The following CNTNAP5 variants were observed in gnomAD, a reference collection of about 807,000 sequenced individuals.
CNTNAP5 encodes contactin associated protein family member 5.
CNTNAP5 carries 72 observed loss-of-function variants against 150.2 expected under a neutral mutation model. The observed-to-expected ratio is 0.48, with a 90% confidence interval of 0.40 to 0.58. The LOEUF is 0.58. CNTNAP5 is among the 20% of genes least tolerant of loss of function. The pLI, the probability that CNTNAP5 is intolerant of heterozygous loss-of-function variation, is 0.00. For missense variants in CNTNAP5, 1,636 were observed against 1,626.2 expected (o/e 1.01, Z -0.10); for synonymous variants, 672 against 619.8 (o/e 1.08, Z -1.25).
chr2:124,904,500 A>G (rs886611723), intron 22 of CNTNAP5, among the ~76,000 whole-genome samples: 1 of 152,156 alleles, frequency 6.6e-6, no homozygotes, highest in African/African-American at 2.4e-5. Flanking sequence ...AGTAATAAAA[A>G]AAAAAGCATA....
At chr2:124,716,166 C>A (rs1679940851) in intron 13 of CNTNAP5, among the ~76,000 whole-genome samples, 1 of 152,038 alleles carries the variant, frequency 6.6e-6, no homozygotes, top group African/African-American at 2.4e-5. Flanking sequence ...CCCTACAAGG[C>A]CACTATCAAT....
chr2:124,910,188 G>T (rs1678627116), intron 22 of CNTNAP5, among the ~76,000 whole-genome samples: 1 of 151,946 alleles, frequency 6.6e-6, no homozygotes, highest in African/African-American at 2.4e-5. Context: ...TTTCACGTGT[G>T]TCTCCACATG....
chr2:124,744,124 G>A (rs375385416), intron 13 of CNTNAP5, among the ~76,000 whole-genome samples: 8 of 152,122 alleles, frequency 5.3e-5, no homozygotes, highest in African/African-American at 1.9e-4. Flanking sequence ...ATCCTGAATT[G>A]TAGCTCCCAT....
At chr2:124,874,570 T>C (rs1193282743) in intron 21 of CNTNAP5, among the ~76,000 whole-genome samples, 1 of 152,030 alleles carries the variant, frequency 6.6e-6, no homozygotes, top group Non-Finnish European at 1.5e-5. Context: ...TCTTCTAAAA[T>C]ATATCAAGAA....
intron 19 of CNTNAP5, among the ~76,000 whole-genome samples, chr2:124,851,372 T>C (rs1047107958): frequency 1.3e-5 from 2 of 152,140 alleles, no homozygotes; most frequent in African/African-American, 2.4e-5. Flanking sequence ...AGAAAGAAAG[T>C]TGCAGAAGTT....
intron 3 of CNTNAP5, among the ~76,000 whole-genome samples, chr2:124,400,362 A>G (rs1030769429): frequency 6.6e-6 from 1 of 152,142 alleles, no homozygotes; most frequent in Non-Finnish European, 1.5e-5. Flanking sequence ...GGAAGACAAA[A>G]AAGATTTGTC....
intron 19 of CNTNAP5, among the ~76,000 whole-genome samples, chr2:124,858,831 AAAT>A (rs1156956362): frequency 6.6e-6 from 1 of 152,048 alleles, no homozygotes; most frequent in Non-Finnish European, 1.5e-5. Flanking sequence ...AGAAGAAAAG[AAAT>A]AATAAAAACT....
chr2:124,358,858 G>A (rs1331363997), intron 3 of CNTNAP5, among the ~76,000 whole-genome samples: 1 of 149,816 alleles, frequency 6.7e-6, no homozygotes, highest in East Asian at 2.0e-4. Context: ...TCTATTGATT[G>A]GAATAGTTTC....
chr2:124,805,128 AC>A (rs774012340), intron 19 of CNTNAP5, among the ~76,000 whole-genome samples: 35 of 152,162 alleles, frequency 2.3e-4, no homozygotes, highest in Non-Finnish European at 4.7e-4. Context: ...AAGGGACATT[AC>A]CCTGAAGAAG....
chr2:124,206,472 CT>C (rs1431408546), intron 1 of CNTNAP5, among the ~76,000 whole-genome samples: 1 of 152,212 alleles, frequency 6.6e-6, no homozygotes, highest in African/African-American at 2.4e-5. Flanking sequence ...CTACCATCTC[CT>C]TTCCCTCAAC....
intron 1 of CNTNAP5, among the ~76,000 whole-genome samples, chr2:124,136,188 C>T (rs1183702155): frequency 6.6e-6 from 1 of 152,112 alleles, no homozygotes; most frequent in Admixed American, 6.6e-5. Flanking sequence ...ATGTCTTTTC[C>T]AATGTATAAA....
At chr2:124,121,866 G>T (rs1205722509) in intron 1 of CNTNAP5, among the ~76,000 whole-genome samples, 1 of 152,158 alleles carries the variant, frequency 6.6e-6, no homozygotes, top group Non-Finnish European at 1.5e-5. Context: ...CTAATTAAAT[G>T]AGGTTAAATA....
At chr2:124,713,315 T>TTCC (rs1679867352) in intron 13 of CNTNAP5, among the ~76,000 whole-genome samples, 1 of 96,672 alleles carries the variant, frequency 1.0e-5, no homozygotes, top group African/African-American at 3.5e-5. Flanking sequence ...TTTCTCTTTC[T>TTCC]TTCCTTTCTT....
chr2:124,911,805 G>GAC (rs1395148184), intron 23 of CNTNAP5, among the ~76,000 whole-genome samples: 2 of 152,100 alleles, frequency 1.3e-5, no homozygotes, highest in Non-Finnish European at 2.9e-5. Flanking sequence ...TTTACTTACA[G>GAC]ACAGCAGCTC....
chr2:124,203,299 G>A (rs1685774065), intron 1 of CNTNAP5, among the ~76,000 whole-genome samples: 1 of 152,162 alleles, frequency 6.6e-6, no homozygotes, highest in Admixed American at 6.5e-5. Context: ...GTCTTTGGCA[G>A]CTCCACCCCT....
intron 8 of CNTNAP5, among the ~76,000 whole-genome samples, chr2:124,515,771 A>G (rs1454144159): frequency 6.6e-6 from 1 of 152,236 alleles, no homozygotes; most frequent in Admixed American, 6.5e-5. Context: ...TACTTGGAGC[A>G]TAATGAACAC....
chr2:124,339,894 A>G (rs1374617167), intron 3 of CNTNAP5, among the ~76,000 whole-genome samples: 2 of 152,044 alleles, frequency 1.3e-5, no homozygotes, highest in East Asian at 3.9e-4. Flanking sequence ...GGGCCATAGA[A>G]TCAGTTGAGT....
chr2:124,181,997 CAAA>C (rs1685220693), intron 1 of CNTNAP5, among the ~76,000 whole-genome samples: 1 of 152,010 alleles, frequency 6.6e-6, no homozygotes, highest in African/African-American at 2.4e-5. Context: ...GTCATGATTC[CAAA>C]ATGTATTAGA....
At chr2:124,825,228 T>C (rs950661361) in intron 19 of CNTNAP5, among the ~76,000 whole-genome samples, 6 of 152,242 alleles carry the variant, frequency 3.9e-5, no homozygotes, top group Non-Finnish European at 8.8e-5. Flanking sequence ...CTCTTACCTT[T>C]AATAAGGATA....
Sources: allele counts gnomAD v4.1 joint callset (sites outside exome capture counted in the v4.1 genomes callset), GRCh38; gene constraint gnomAD v4.1.1; transcripts MANE v1.5; gene names NCBI Gene and HGNC (gene_info 2026-07-23, HGNC 2026-07-21).